Variants in RSPH9 observed in about 807,000 individuals in gnomAD.
RSPH9 encodes the protein radial spoke head protein 9 homolog.
RSPH9 carries 27 observed loss-of-function variants against 27.0 expected under a neutral mutation model. That is an observed-to-expected ratio of 1.00 (90% CI 0.74 to 1.38). The LOEUF is 1.38. RSPH9 is among the 40% of genes most tolerant of loss of function. The pLI is 0.00. For missense variants in RSPH9, 347 were observed against 357.4 expected (o/e 0.97, Z 0.24); for synonymous variants, 145 against 147.7 (o/e 0.98, Z 0.13).
Position 43,650,475 on chromosome 6 carries a change from G to A in RSPH9, c.328G>A (p.Glu110Lys), listed in dbSNP as rs150021750. Residue 110 changes from glutamate (E) to lysine (K), a missense_variant, in exon 2 of 5, where the codon GAA becomes AAA. Transcript: ENST00000372163. ...CCGCTTCATGGGGGACCCATCATAC[G>A]AATATGAACACACTGAGCTGCAGAA... ...KGRFMGDPSYEYEHTELQKVN... is the reference protein window; with the variant it reads ...KGRFMGDPSYKYEHTELQKVN... 50 of 1,614,036 alleles carry A rather than the reference G, an allele frequency of 3.1e-5. No homozygotes were observed. Among genetic ancestry groups the A allele is most frequent in the Non-Finnish European group, 3.7e-5 (44 of 1,180,056 alleles).
At position 43,671,589 on chromosome 6, in the gene RSPH9, G is replaced by C; in HGVS notation, c.*640G>C. On this transcript the variant is annotated 3_prime_UTR_variant, in exon 5 of 5. Transcript: ENST00000372163. ...GCCTCTAGCTCCCAGCATTGCTACT[G>C]TGCAGGCCAAGGGTACTGAAGTTAG... 1.4e-6 allele frequency: 1 copy of C among 721,594 alleles called. No individual in the cohort carries two copies. The allele number at this position is 721,594 out of a possible 1,614,324, so 44.7% of individuals were successfully genotyped here. A position where few individuals can be genotyped will look rare whatever the true frequency, so the allele number is the denominator to read the frequency against.
intron 4 of RSPH9, among the ~76,000 whole-genome samples, chr6:43,657,169 T>C (rs1443231333): frequency 6.6e-6 from 1 of 152,208 alleles, no homozygotes; most frequent in Non-Finnish European, 1.5e-5. Flanking sequence ...GAAGAGCATG[T>C]CCTTGGATTC....
chr6:43,660,039 CTT>C (rs1163299257), intron 4 of RSPH9, among the ~76,000 whole-genome samples: 6 of 109,312 alleles, frequency 5.5e-5, no homozygotes, highest in Middle Eastern at 6.3e-3. Context: ...CCAGCCTGGC[CTT>C]TTTTTTTTTT....
At chr6:43,662,296 G>T (rs1772708260) in intron 4 of RSPH9, among the ~76,000 whole-genome samples, 1 of 152,154 alleles carries the variant, frequency 6.6e-6, no homozygotes, top group South Asian at 2.1e-4. Context: ...CTTAAGAGAA[G>T]GTTGTGGCCG....
In RSPH9 at chr6:43,670,947, T is replaced by G; in HGVS notation, c.829T>G (p.Ter277GluextTer9). Residue 277 changes from the stop codon to glutamate, a stop_lost, in exon 5 of 5, where the codon TAG becomes GAG. Transcript: ENST00000372163. ...GAACATGGACTTGCCCTTCATGCTATAGAATGGGAGCCAGCCTGGATGTTT... is the reference window on the plus strand; with the variant it reads ...GAACATGGACTTGCCCTTCATGCTAGAGAATGGGAGCCAGCCTGGATGTTT... ...EKNMDLPFML[*>E] is the part of the protein sequence containing the mutation. The G allele has an allele frequency of 6.2e-7, 1 of 1,614,176 alleles. No individual in the cohort carries two copies. The highest frequency in any genetic ancestry group is 8.5e-7 in the Non-Finnish European group (1 of 1,180,024).
intron 1 of RSPH9, among the ~76,000 whole-genome samples, chr6:43,646,018 T>TA (rs1224036421): frequency 6.6e-5 from 10 of 151,774 alleles, no homozygotes; most frequent in Admixed American, 6.6e-4. Flanking sequence ...GCAGTGTCGC[T>TA]ATCTTGGTTC....
At position 43,671,835 on chromosome 6, in the gene RSPH9, C is replaced by G; in HGVS notation, c.*886C>G. The stretch of plus-strand genomic sequence containing the variant: ...CAGAAGGGGTGACCCCACGGGCATG[C>G]GCACCCTGTTCCAGCGGGGGCCTTT... On this transcript the variant is annotated 3_prime_UTR_variant, in exon 5 of 5. Coordinates refer to ENST00000372163, the MANE Select transcript of RSPH9 (RefSeq NM_152732.5). 1.2e-6 allele frequency: 2 copies of G among 1,614,130 alleles called. No homozygotes were observed. Among genetic ancestry groups the G allele is most frequent in the Non-Finnish European group, 1.7e-6 (2 of 1,179,996 alleles).
chr6:43,652,730 G>T lies in RSPH9; in HGVS notation c.393+2190G>T, dbSNP rs73428658. ...CGTGAGCCACCATGCCCAACTTCCGGTTTTTTTTTTTTTTTTTCACCATTG... is the reference window on the plus strand; with the variant it reads ...CGTGAGCCACCATGCCCAACTTCCGTTTTTTTTTTTTTTTTTTCACCATTG... On this transcript the variant is annotated intron_variant, in intron 2 of 4. Coordinates refer to ENST00000372163, the MANE Select transcript of RSPH9 (RefSeq NM_152732.5). Among the ~76,000 whole-genome samples, 304 of 126,778 alleles carry T rather than the reference G, an allele frequency of 2.4e-3. 1 individual carries two copies. The highest frequency in any genetic ancestry group is 8.5e-3 in the African/African-American group (248 of 29,258). 83.2% of individuals were successfully genotyped at this position (126,778 alleles called of 152,430 possible).
intron 2 of RSPH9, among the ~76,000 whole-genome samples, chr6:43,653,517 C>T (rs1022568271): frequency 6.6e-6 from 1 of 151,658 alleles, no homozygotes; most frequent in Non-Finnish European, 1.5e-5. Flanking sequence ...AAGTCAATTC[C>T]TGGAAATAGA....
intron 2 of RSPH9, among the ~76,000 whole-genome samples, chr6:43,652,568 G>A (rs1458931951): frequency 6.6e-6 from 1 of 151,656 alleles, no homozygotes; most frequent in Non-Finnish European, 1.5e-5. Flanking sequence ...TGGGATTACA[G>A]GCACCTGGCA....
At chr6:43,647,150 A>G (rs1401069656) in intron 1 of RSPH9, among the ~76,000 whole-genome samples, 1 of 136,090 alleles carries the variant, frequency 7.3e-6, no homozygotes, top group Non-Finnish European at 1.7e-5. Flanking sequence ...ATAAATAAAT[A>G]AACAAACTTT....
chr6:43,672,005 C>A lies in RSPH9; in HGVS notation c.*1056C>A, dbSNP rs778939272. ...CTCCTCAGGCCAGGCCACGGTTGGG[C>A]AAGCAAATCCTTTCACCAGTTTCCC... On this transcript the variant is annotated 3_prime_UTR_variant, in exon 5 of 5. Transcript: ENST00000372163. The A allele has an allele frequency of 6.0e-6, 8 of 1,335,456 alleles. No homozygotes were observed. Among genetic ancestry groups the A allele is most frequent in the Non-Finnish European group, 8.0e-6 (8 of 998,914 alleles). The allele number at this position is 1,335,456 out of a possible 1,614,324, so 82.7% of individuals were successfully genotyped here. A position where few individuals can be genotyped will look rare whatever the true frequency, so the allele number is the denominator to read the frequency against.
At chr6:43,653,733 C>T (rs745563925) in intron 2 of RSPH9, among the ~76,000 whole-genome samples, 15 of 152,066 alleles carry the variant, frequency 9.9e-5, no homozygotes, top group Non-Finnish European at 1.6e-4. Flanking sequence ...GCTTTTGTTG[C>T]CCAGGCCAGA....
rs112239331 is a variant in RSPH9, at chr6:43,647,999, G to A, written c.228-2376G>A. On this transcript the variant is annotated intron_variant, in intron 1 of 4. Transcript: ENST00000372163. ...GAGAATACAGGATGGGCCGGGCGCA[G>A]TGGCTCATGCCTGTAATCCCAGCAC... Among the ~76,000 whole-genome samples the A allele has an allele frequency of 3.9e-4, 59 of 152,352 alleles. 1 individual carries two copies. Among genetic ancestry groups the A allele is most frequent in the Middle Eastern group, 3.4e-3 (1 of 294 alleles).
rs1483667563 is a variant in RSPH9 at position 43,671,805 on chromosome 6, T to C, written c.*856T>C. 6.2e-7 allele frequency: 1 copy of C among 1,614,212 alleles called. No individual in the cohort carries two copies. Among genetic ancestry groups the C allele is most frequent in the South Asian group, 1.1e-5 (1 of 91,090 alleles). ...AGGTGTTCTTGAGTAGCAGACATTG[T>C]CCCTCAGAAGGGGTGACCCCACGGG... is the stretch of plus-strand genomic sequence containing the variant. On this transcript the variant is annotated 3_prime_UTR_variant, in exon 5 of 5. Coordinates refer to ENST00000372163, the MANE Select transcript of RSPH9 (RefSeq NM_152732.5).
At chr6:43,656,012 C>T (rs986697707) in intron 3 of RSPH9, among the ~76,000 whole-genome samples, 5 of 132,208 alleles carry the variant, frequency 3.8e-5, no homozygotes, top group East Asian at 2.2e-4. Context: ...TTCCTTCCTT[C>T]CTTCCTTCCT....
intron 1 of RSPH9, 67 bp from the exon 2 acceptor site, chr6:43,650,308 G>A (rs570326490): frequency 6.8e-4 from 1,068 of 1,580,390 alleles, no homozygotes; most frequent in Non-Finnish European, 9.0e-4. Flanking sequence ...AGACAGAAGG[G>A]AAGATAATAG....
At chr6:43,659,048 G>T (rs993090875) in intron 4 of RSPH9, among the ~76,000 whole-genome samples, 7 of 152,158 alleles carry the variant, frequency 4.6e-5, no homozygotes, top group Non-Finnish European at 7.3e-5. Flanking sequence ...ATCTTCACTA[G>T]GAGTGGCTTC....
intron 4 of RSPH9, among the ~76,000 whole-genome samples, chr6:43,668,146 C>G (rs1300937320): frequency 6.6e-6 from 1 of 152,142 alleles, no homozygotes; most frequent in Non-Finnish European, 1.5e-5. Flanking sequence ...ACCTGCAGCA[C>G]CAAGTCTGCA....
Sources: gnomAD v4.1 joint callset for allele counts (sites outside exome capture counted in the v4.1 genomes callset) on GRCh38, gnomAD v4.1.1 for gene constraint, MANE v1.5 for transcripts, NCBI Gene and HGNC (gene_info 2026-07-23, HGNC 2026-07-21) for gene names.